Variants in ELMO1 observed in about 807,000 individuals in gnomAD.
ELMO1 encodes the protein engulfment and cell motility 1.
ELMO1 carries 26 observed loss-of-function variants against 98.9 expected under a neutral mutation model. That is an observed-to-expected ratio of 0.26 (90% CI 0.19 to 0.36). ELMO1 has a LOEUF of 0.36. Ranked by LOEUF, ELMO1 falls within the 10% of genes least tolerant of loss-of-function variation. The pLI is 1.00. For synonymous variants in ELMO1, 346 were observed against 346.0 expected, an observed-to-expected ratio of 1.00 and a Z score of 0.00; for missense variants, 627 against 935.2, an observed-to-expected ratio of 0.67 and a Z score of 4.30.
At position 37,342,414 on chromosome 7, in the gene ELMO1, G is replaced by A. The variant is rs894225695; in HGVS notation, c.78+199C>T. 1.3e-5 allele frequency among the ~76,000 whole-genome samples: 2 copies of A among 152,136 alleles called. No individual in the cohort carries two copies. The highest frequency in any genetic ancestry group is 1.3e-4 in the Admixed American group (2 of 15,266). ...CAAATCCTGTATTGACACAATCCAA[G>A]TGGATGCTGGAAGAGTATAAAAACC... On this transcript the variant is annotated intron_variant, in intron 2 of 21. Coordinates refer to ENST00000310758, the MANE Select transcript of ELMO1 (RefSeq NM_014800.11). This position sits in a 1 kb window ranked among gnomAD's most constrained non-coding sequence, Gnocchi z 4.3.
At chr7:37,321,677 A>G (rs1489617289) in intron 2 of ELMO1, among the ~76,000 whole-genome samples, 2 of 134,644 alleles carry the variant, frequency 1.5e-5, no homozygotes, top group Non-Finnish European at 3.1e-5. Context: ...AGATCGCGCC[A>G]CTGCACTCTA....
chr7:37,151,620 G>A (rs1481218027), intron 13 of ELMO1, among the ~76,000 whole-genome samples: 1 of 152,004 alleles, frequency 6.6e-6, no homozygotes, highest in African/African-American at 2.4e-5. Context: ...AGACGCATTC[G>A]GCCCCTGTGA....
chr7:37,217,904 G>A (rs1249081429), intron 10 of ELMO1: 2 of 399,990 alleles, frequency 5.0e-6, no homozygotes, highest in Non-Finnish European at 1.0e-5. Context: ...ACTGTAAGGT[G>A]ACTCAAAAAA....
At chr7:37,204,367 T>A (rs1792482895) in intron 13 of ELMO1, 1 of 389,662 alleles carries the variant, frequency 2.6e-6, no homozygotes, top group Admixed American at 2.9e-5. Context: ...CTGCAGACCT[T>A]CGCGGTGAGT....
intron 13 of ELMO1, among the ~76,000 whole-genome samples, chr7:37,150,270 C>T (rs6967682): frequency 0.76 from 111,691 of 147,226 alleles, 43,852 homozygotes; most frequent in Non-Finnish European, 0.87. Context: ...ACAGGCTATG[C>T]GGAATTCTTT....
intron 15 of ELMO1, among the ~76,000 whole-genome samples, chr7:37,094,233 G>A (rs1170913129): frequency 6.6e-6 from 1 of 152,226 alleles, no homozygotes; most frequent in Non-Finnish European, 1.5e-5. Flanking sequence ...AACCAGGCCT[G>A]AGTGAGTTGT....
chr7:37,154,725 T>A (rs532420406), intron 13 of ELMO1, among the ~76,000 whole-genome samples: 1 of 152,188 alleles, frequency 6.6e-6, no homozygotes, highest in Non-Finnish European at 1.5e-5. Context: ...TGGAACCAAG[T>A]TGGAAAACAC....
chr7:37,347,712 C>A (rs1801074349), intron 1 of ELMO1, among the ~76,000 whole-genome samples: 1 of 152,004 alleles, frequency 6.6e-6, no homozygotes, highest in Non-Finnish European at 1.5e-5. Context: ...TATAAATTAC[C>A]CAATCTCCCG....
chr7:36,978,436 G>A (rs1280129884), intron 16 of ELMO1, among the ~76,000 whole-genome samples: 1 of 151,976 alleles, frequency 6.6e-6, no homozygotes, highest in East Asian at 1.9e-4. Context: ...TGAAGTGCAT[G>A]GCCGGCGGGA....
At chr7:36,884,548 G>C (rs1328105317) in intron 18 of ELMO1, among the ~76,000 whole-genome samples, 3 of 152,118 alleles carry the variant, frequency 2.0e-5, no homozygotes, top group Admixed American at 2.0e-4. Context: ...TAGTGAGTAG[G>C]AACAGGGACT....
intron 12 of ELMO1, 63 bp from the exon 13 acceptor site, chr7:37,211,580 T>C (rs1792976001): frequency 3.2e-6 from 5 of 1,580,386 alleles, no homozygotes; most frequent in Non-Finnish European, 4.3e-6. Context: ...TGTGTGACAT[T>C]ACATATACTC....
At chr7:37,292,737 G>A (rs1350789737) in intron 4 of ELMO1, among the ~76,000 whole-genome samples, 2 of 10,716 alleles carry the variant, frequency 1.9e-4, no homozygotes, top group Non-Finnish European at 2.9e-4. Context: ...GGAGGGAGGT[G>A]GGGGGGTCAG....
chr7:37,296,625 G>T (rs1218265715), intron 4 of ELMO1, among the ~76,000 whole-genome samples: 1 of 149,340 alleles, frequency 6.7e-6, no homozygotes, highest in Admixed American at 6.7e-5. Context: ...AACACTAGGG[G>T]TGTGGGAATC....
chr7:36,994,120 C>T (rs1189060030), intron 16 of ELMO1, among the ~76,000 whole-genome samples: 1 of 152,150 alleles, frequency 6.6e-6, no homozygotes, highest in African/African-American at 2.4e-5. Context: ...GTGTTTCCTT[C>T]AAGTCTTGGG....
At chr7:36,935,907 C>T (rs1020779478) in intron 16 of ELMO1, among the ~76,000 whole-genome samples, 1 of 152,140 alleles carries the variant, frequency 6.6e-6, no homozygotes, top group African/African-American at 2.4e-5. Flanking sequence ...GTGAGCGACT[C>T]CCTAAATCTG....
intron 13 of ELMO1, among the ~76,000 whole-genome samples, chr7:37,141,852 T>A (rs1229850787): frequency 6.6e-6 from 1 of 152,202 alleles, no homozygotes; most frequent in African/African-American, 2.4e-5. Context: ...AGAATACATC[T>A]AAACTGTCTT....
intron 14 of ELMO1, among the ~76,000 whole-genome samples, chr7:37,100,508 C>T (rs902391888): frequency 6.6e-6 from 1 of 152,224 alleles, no homozygotes; most frequent in Non-Finnish European, 1.5e-5. Flanking sequence ...GCCCTCCTTG[C>T]CTCAGCATCA....
Position 37,273,492 on chromosome 7 carries a change from G to A in ELMO1, c.193-1610C>T, listed in dbSNP as rs576656947. On this transcript the variant is annotated intron_variant, in intron 4 of 21. Coordinates refer to ENST00000310758, the MANE Select transcript of ELMO1 (RefSeq NM_014800.11). ...TTTTTTGAGGCCTCTCCAGCCATGCGGAACTGTGAGTCAATTAAACCCTCT... is the reference window on the plus strand; with the variant it reads ...TTTTTTGAGGCCTCTCCAGCCATGCAGAACTGTGAGTCAATTAAACCCTCT... Among the ~76,000 whole-genome samples the A allele has an allele frequency of 4.6e-5, 7 of 152,278 alleles. No homozygotes were observed. The South Asian group carries it at 8.3e-4, about 18-fold the overall frequency.
At chr7:37,293,923 G>A (rs1372915358) in intron 4 of ELMO1, among the ~76,000 whole-genome samples, 1 of 151,514 alleles carries the variant, frequency 6.6e-6, no homozygotes, top group Non-Finnish European at 1.5e-5. Flanking sequence ...ATATAAAATT[G>A]AGATTTGCTT....
Sources: gnomAD v4.1 joint callset for allele counts (sites outside exome capture counted in the v4.1 genomes callset) on GRCh38, gnomAD v4.1.1 for gene constraint, Gnocchi (gnomAD v3.1) non-coding constraint, MANE v1.5 for transcripts, NCBI Gene and HGNC (gene_info 2026-07-23, HGNC 2026-07-21) for gene names.